Variants in LONP2 observed in about 807,000 individuals in gnomAD.
LONP2 encodes lon peptidase 2, peroxisomal.
LONP2 carries 60 observed loss-of-function variants against 85.6 expected under a neutral mutation model. The ratio of observed to expected loss-of-function variants is 0.70; its 90% CI spans 0.57 to 0.87. The LOEUF (loss-of-function observed/expected upper bound fraction) is 0.87. Ranked by LOEUF, LONP2 falls within the 40% of genes least tolerant of loss-of-function variation. The probability of loss-of-function intolerance (pLI) is 0.00; values close to 1 mark genes in which losing one functional copy is unlikely to be tolerated. For synonymous variants in LONP2, 395 were observed against 389.7 expected (o/e 1.01, Z -0.16); for missense variants, 860 against 1,063.5 (o/e 0.81, Z 2.66).
intron 10 of LONP2, 113 bp downstream of exon 10, chr16:48,299,901 G>A: frequency 9.2e-7 from 1 of 1,085,530 alleles, no homozygotes; most frequent in Admixed American, 2.6e-5. Flanking sequence ...TTTGAGATAA[G>A]CCACAGTCTC....
chr16:48,287,121 C>G (rs7184452), intron 8 of LONP2, among the ~76,000 whole-genome samples: 1 of 152,146 alleles, frequency 6.6e-6, no homozygotes, highest in Admixed American at 6.5e-5. Context: ...CTCTCCCACT[C>G]CTTGCCCAAG....
chr16:48,341,038 A>T (rs1301778744), intron 12 of LONP2, among the ~76,000 whole-genome samples: 1 of 152,066 alleles, frequency 6.6e-6, no homozygotes, highest in African/African-American at 2.4e-5. Context: ...GCATTGGCTC[A>T]CACCTGTAAT....
intron 6 of LONP2, among the ~76,000 whole-genome samples, chr16:48,267,799 A>G (rs1267341490): frequency 6.6e-6 from 1 of 151,882 alleles, no homozygotes; most frequent in Non-Finnish European, 1.5e-5. Flanking sequence ...TGTTTTTAGT[A>G]GAGATGGGGT....
chr16:48,357,218 A>G lies in LONP2; in HGVS notation c.*5416A>G, dbSNP rs1311181942. ...GGTATTTAAATAAAAACTGGTAGAT[A>G]CAGAGTCAGAAGTCAACCCAGGCAG... On this transcript the variant is annotated 3_prime_UTR_variant, in exon 15 of 15. Transcript: ENST00000285737. 6.6e-6 allele frequency: 1 copy of G among 152,250 alleles called. No homozygotes were observed. The highest frequency in any genetic ancestry group is 6.5e-5 in the Admixed American group (1 of 15,284). The allele number at this position is 152,250 out of a possible 1,614,324, so 9.4% of individuals were successfully genotyped here. A position where few individuals can be genotyped will look rare whatever the true frequency, so the allele number is the denominator to read the frequency against.
At position 48,354,758 on chromosome 16, in the gene LONP2, AG is replaced by A. The variant is rs1028230473; in HGVS notation, c.*2959del. On this transcript the variant is annotated 3_prime_UTR_variant, in exon 15 of 15. Coordinates refer to ENST00000285737, the MANE Select transcript of LONP2 (RefSeq NM_031490.5). Reference sequence around the variant, plus strand: ...TGTCCTCCAGAAAAGAAAGATCTGGAGGGTCAGGCCACTCTTTTTCTTCAAA... The same window carrying A: ...TGTCCTCCAGAAAAGAAAGATCTGGAGGTCAGGCCACTCTTTTTCTTCAAA... The A allele has an allele frequency of 6.6e-6, 1 of 152,174 alleles. No individual in the cohort carries two copies. Among genetic ancestry groups the A allele is most frequent in the African/African-American group, 2.4e-5 (1 of 41,444 alleles). The allele number at this position is 152,174 out of a possible 1,614,324, so 9.4% of individuals were successfully genotyped here.
intron 8 of LONP2, among the ~76,000 whole-genome samples, chr16:48,290,466 C>A (rs753331339): frequency 1.3e-5 from 2 of 152,282 alleles, no homozygotes; most frequent in Admixed American, 1.3e-4. Context: ...ACTGCCTCCC[C>A]CTTCAGATGC....
At chr16:48,294,593 C>T (rs1293141798) in intron 8 of LONP2, among the ~76,000 whole-genome samples, 1 of 151,886 alleles carries the variant, frequency 6.6e-6, no homozygotes, top group South Asian at 2.1e-4. Context: ...TGGTGAAACC[C>T]CATCTCTACT....
At chr16:48,245,156 T>C (rs1375947573) in intron 1 of LONP2, among the ~76,000 whole-genome samples, 1 of 152,148 alleles carries the variant, frequency 6.6e-6, no homozygotes, top group Non-Finnish European at 1.5e-5. Context: ...TCTTCTATAC[T>C]CCCTGCCACC....
rs933954761 is a variant in LONP2, at chr16:48,354,625, C to T, written c.*2823C>T. On this transcript the variant is annotated 3_prime_UTR_variant, in exon 15 of 15. Transcript: ENST00000285737. ...TATTTCACTTTCTTTCTGAATTTCCCTTCATATGAGTGGGATCAAACAAGA... is the reference window on the plus strand; with the variant it reads ...TATTTCACTTTCTTTCTGAATTTCCTTTCATATGAGTGGGATCAAACAAGA... The T allele has an allele frequency of 3.3e-5, 5 of 152,238 alleles. No individual in the cohort carries two copies. Among genetic ancestry groups the T allele is most frequent in the African/African-American group, 1.2e-4 (5 of 41,410 alleles). The allele number at this position is 152,238 out of a possible 1,614,324, so 9.4% of individuals were successfully genotyped here. A position where few individuals can be genotyped will look rare whatever the true frequency, so the allele number is the denominator to read the frequency against.
rs373109018 is a variant in LONP2 at position 48,321,633 on chromosome 16, GTA to G, written c.1796-12580_1796-12579del. Reference sequence around the variant, plus strand: ...GCTTTCTACACACCTAGGCTATATGGTATAGCCTGTTAATCCTAGGCTATAAA... The same window carrying G: ...GCTTTCTACACACCTAGGCTATATGGTAGCCTGTTAATCCTAGGCTATAAA... On this transcript the variant is annotated intron_variant, in intron 11 of 14. Coordinates refer to ENST00000285737, the MANE Select transcript of LONP2 (RefSeq NM_031490.5). Among the ~76,000 whole-genome samples the G allele has an allele frequency of 2.7e-3, 416 of 152,276 alleles. 1 individual carries two copies. Among genetic ancestry groups the G allele is most frequent in the African/African-American group, 9.6e-3 (398 of 41,566 alleles).
At chr16:48,334,395 A>G in intron 12 of LONP2, 37 bp downstream of exon 12, 8 of 1,613,862 alleles carry the variant, frequency 5.0e-6, no homozygotes, top group Non-Finnish European at 6.8e-6. Context: ...GCTCCAGTCA[A>G]TGAAAGGAAC....
At chr16:48,358,536 A>T (rs1334860033), downstream of LONP2, among the ~76,000 whole-genome samples, 1 of 152,206 alleles carries the variant, frequency 6.6e-6, no homozygotes, top group Non-Finnish European at 1.5e-5. Context: ...GAAAATAAAC[A>T]TGTGGCTGGA....
chr16:48,266,352 G>A (rs573473615), intron 6 of LONP2, among the ~76,000 whole-genome samples: 1 of 144,232 alleles, frequency 6.9e-6, no homozygotes, highest in Non-Finnish European at 1.5e-5. Context: ...GAGCTTTATT[G>A]AAGTGTAATT....
rs768428899 is a variant in LONP2, at chr16:48,296,009, C to G, written c.1384-6C>G. On this transcript the variant is annotated splice_polypyrimidine_tract_variant and splice_region_variant and intron_variant, in intron 8 of 14. Coordinates refer to ENST00000285737, the MANE Select transcript of LONP2 (RefSeq NM_031490.5). ...AGTTTTTAAAATGTTTTTTGTTCTCCCCTAGGTGTTGGATCCTGAACAAAA... is the reference window on the plus strand; with the variant it reads ...AGTTTTTAAAATGTTTTTTGTTCTCGCCTAGGTGTTGGATCCTGAACAAAA... 5.1e-6 allele frequency: 8 copies of G among 1,561,608 alleles called. No homozygotes were observed. Among genetic ancestry groups the G allele is most frequent in the East Asian group, 4.5e-5 (2 of 44,708 alleles).
At chr16:48,349,061 A>G (rs564941373) in intron 14 of LONP2, among the ~76,000 whole-genome samples, 43 of 152,242 alleles carry the variant, frequency 2.8e-4, no homozygotes, top group African/African-American at 1.0e-3. Flanking sequence ...TCTAATGACT[A>G]CATTTTGAAA....
At position 48,277,456 on chromosome 16, in the gene LONP2, G is replaced by A. The variant is rs778968212; in HGVS notation, c.1360G>A (p.Asp454Asn). The change falls in exon 8 of 15, where the codon GAT becomes AAT. Residue 454 changes from aspartate to asparagine, a missense_variant. Physicochemically the swap from Asp to Asn is conservative, Grantham distance 23 (BLOSUM62 1). Transcript: ENST00000285737. ...CAAACTGGGAAAAAGTCTACAGGGT[G>A]ATCCAGCAGCAGCTCTGCTTGAGGT... ...VDKLGKSLQG[D>N]PAAALLEVLD... The A allele has an allele frequency of 6.2e-6, 10 of 1,613,664 alleles. No individual in the cohort carries two copies. Among genetic ancestry groups the A allele is most frequent in the Non-Finnish European group, 8.5e-6 (10 of 1,179,780 alleles).
chr16:48,249,182 G>A (rs140278457), intron 1 of LONP2, among the ~76,000 whole-genome samples: 2 of 152,150 alleles, frequency 1.3e-5, no homozygotes, highest in African/African-American at 4.8e-5. Flanking sequence ...ACCTCTGAGG[G>A]TAGATTCGAG....
chr16:48,288,233 A>C (rs1230105367), intron 8 of LONP2, among the ~76,000 whole-genome samples: 1 of 145,378 alleles, frequency 6.9e-6, no homozygotes, highest in Non-Finnish European at 1.5e-5. Context: ...GGCTCACTGC[A>C]ACCTCTGCCT....
chr16:48,350,400 AT>A (rs1960106091), intron 14 of LONP2, among the ~76,000 whole-genome samples: 1 of 151,936 alleles, frequency 6.6e-6, no homozygotes, highest in African/African-American at 2.4e-5. Flanking sequence ...AAAAAAAAAA[AT>A]AGTAATGAAA....
Sources: gnomAD v4.1 joint callset for allele counts (sites outside exome capture counted in the v4.1 genomes callset) on GRCh38, gnomAD v4.1.1 for gene constraint, MANE v1.5 for transcripts, NCBI Gene and HGNC (gene_info 2026-07-23, HGNC 2026-07-21) for gene names.